Variants in SEC63 observed in about 807,000 individuals in gnomAD.
The protein encoded by SEC63 is SEC63 protein translocation regulator, also known as translocation protein SEC63 homolog.
SEC63 carries 56 observed loss-of-function variants against 116.2 expected under a neutral mutation model. The ratio of observed to expected loss-of-function variants is 0.48; its 90% CI spans 0.39 to 0.60. SEC63 has a LOEUF of 0.60. Ranked by LOEUF, SEC63 falls within the 20% of genes least tolerant of loss-of-function variation. The pLI is 0.00. For missense variants in SEC63, 668 were observed against 900.0 expected, an observed-to-expected ratio of 0.74 and a Z score of 3.30; for synonymous variants, 273 against 294.6, an observed-to-expected ratio of 0.93 and a Z score of 0.75.
intron 17 of SEC63, 62 bp from the exon 18 acceptor site, chr6:107,881,312 T>A (rs1277684500): frequency 8.6e-7 from 1 of 1,160,630 alleles, no homozygotes; most frequent in African/African-American, 1.5e-5. Context: ...TTTAAGGATT[T>A]CCAGGTATTA....
rs771196902 is a variant in SEC63, at chr6:107,902,862, C to T, written c.1191G>A (p.Arg397=). Residue 397 remains arginine (R), a synonymous_variant, in exon 12 of 21, where the codon CGG becomes CGA. Coordinates refer to ENST00000369002, the MANE Select transcript of SEC63 (RefSeq NM_007214.5). ...LPHIEEDNLR[R]VSNHKKYKIK... is the part of the protein sequence containing the mutation. ...GAATTACCTTCTTATGATTAGAAAC[C>T]CGTCTAAGATTGTCCTCTTCAATAT... is the stretch of plus-strand genomic sequence containing the variant. The T allele has an allele frequency of 9.9e-6, 16 of 1,613,724 alleles. No homozygotes were observed. Among genetic ancestry groups the T allele is most frequent in the Admixed American group, 1.7e-5 (1 of 59,976 alleles).
intron 17 of SEC63, among the ~76,000 whole-genome samples, chr6:107,881,755 T>C (rs1187969875): frequency 6.6e-6 from 1 of 152,210 alleles, no homozygotes. Context: ...ATGTGTGTAA[T>C]TTCATATGTA....
intron 13 of SEC63, among the ~76,000 whole-genome samples, chr6:107,900,517 G>A (rs1389612401): frequency 5.9e-5 from 9 of 152,066 alleles, no homozygotes; most frequent in African/African-American, 1.7e-4. Flanking sequence ...GTATGGTAGT[G>A]TGCACCTGTA....
chr6:107,904,687 T>C lies in SEC63; in HGVS notation c.996A>G (p.Leu332=). The C allele has an allele frequency of 6.2e-7, 1 of 1,613,926 alleles. No homozygotes were observed. The highest frequency in any genetic ancestry group is 1.3e-5 in the African/African-American group (1 of 75,048). The change falls in exon 11 of 21, where the codon CTA becomes CTG. Residue 332 remains leucine, a synonymous_variant. Coordinates refer to ENST00000369002, the MANE Select transcript of SEC63 (RefSeq NM_007214.5). Reference sequence around the variant, plus strand: ...AGATTACATTAACCATTTCTTGAAGTAGGGCAGGACACTTTTTTAGCATGA... The same window carrying C: ...AGATTACATTAACCATTTCTTGAAGCAGGGCAGGACACTTTTTTAGCATGA... ...QQFMLKKCPA[L]LQEMVNVICQ...
chr6:107,888,205 C>T (rs1786583014), intron 16 of SEC63, among the ~76,000 whole-genome samples: 1 of 152,122 alleles, frequency 6.6e-6, no homozygotes, highest in African/African-American at 2.4e-5. Context: ...TTTGACAATA[C>T]TGATTCTTCC....
chr6:107,927,409 T>C (rs571078250), intron 2 of SEC63, among the ~76,000 whole-genome samples: 35 of 152,170 alleles, frequency 2.3e-4, no homozygotes, highest in Admixed American at 5.9e-4. Flanking sequence ...TTACATGCCT[T>C]AGTTTCGCAC....
intron 18 of SEC63, among the ~76,000 whole-genome samples, chr6:107,880,520 C>A (rs1434586882): frequency 2.0e-5 from 3 of 152,174 alleles, no homozygotes; most frequent in Admixed American, 1.3e-4. Context: ...GAGCAGGCTG[C>A]AATTACAAAG....
chr6:107,953,432 CG>C (rs1770620824), intron 1 of SEC63, among the ~76,000 whole-genome samples: 1 of 146,694 alleles, frequency 6.8e-6, no homozygotes, highest in Non-Finnish European at 1.5e-5. Context: ...CCGCCCCGTC[CG>C]GGAGGTGAGG....
chr6:107,893,141 CACACACACACACACAG>C (rs1374127017), intron 16 of SEC63, among the ~76,000 whole-genome samples: 1 of 140,100 alleles, frequency 7.1e-6, no homozygotes, highest in Non-Finnish European at 1.5e-5. Context: ...CACACACACA[CACACACACACACACAG>C]AATGAACTAC....
chr6:107,924,776 G>A, intron 3 of SEC63, 42 bp downstream of exon 3: 1 of 912,604 alleles, frequency 1.1e-6, no homozygotes, highest in Non-Finnish European at 1.8e-6. Context: ...CATTTTCATG[G>A]GACCATTAAA....
intron 2 of SEC63, among the ~76,000 whole-genome samples, chr6:107,925,947 A>G (rs1787665001): frequency 6.6e-6 from 1 of 152,128 alleles, no homozygotes; most frequent in African/African-American, 2.4e-5. Flanking sequence ...CCTCCTGAGT[A>G]GCTGAAACTA....
chr6:107,904,754 T>A lies in SEC63; in HGVS notation c.962-33A>T. The A allele has an allele frequency of 2.0e-6, 3 of 1,486,622 alleles. 1 individual carries two copies. The highest frequency in any genetic ancestry group is 3.5e-4 in the Middle Eastern group (2 of 5,776). The allele number at this position is 1,486,622 out of a possible 1,614,324, so 92.1% of individuals were successfully genotyped here. A position where few individuals can be genotyped will look rare whatever the true frequency, so the allele number is the denominator to read the frequency against. On this transcript the variant is annotated intron_variant, in intron 10 of 20. Transcript: ENST00000369002. ...ACAATAAAAAACCTGAAACAGATCATTTTAATTTTACAGTTAAAGCATCTT... is the reference window on the plus strand; with the variant it reads ...ACAATAAAAAACCTGAAACAGATCAATTTAATTTTACAGTTAAAGCATCTT...
At chr6:107,910,403 G>A (rs1787249016) in intron 7 of SEC63, among the ~76,000 whole-genome samples, 1 of 152,100 alleles carries the variant, frequency 6.6e-6, no homozygotes, top group Non-Finnish European at 1.5e-5. Flanking sequence ...AGGAGGTAGA[G>A]GCTGCAGAGA....
Position 107,950,369 on chromosome 6 carries a change from GAAC to G in SEC63, c.124+7514_124+7516del, listed in dbSNP as rs374019352. The stretch of plus-strand genomic sequence containing the variant: ...CACCCTCCATCCCCAAAAATGGATA[GAAC>G]AACCAAAAAGAAGATAAGGAAATAG... On this transcript the variant is annotated intron_variant, in intron 1 of 20. Coordinates refer to ENST00000369002, the MANE Select transcript of SEC63 (RefSeq NM_007214.5). 2.3e-3 allele frequency among the ~76,000 whole-genome samples: 351 copies of G among 152,182 alleles called. 3 individuals carry two copies. The highest frequency in any genetic ancestry group is 9.9e-3 in the Admixed American group (152 of 15,290).
At chr6:107,943,178 C>A (rs1289950796) in intron 1 of SEC63, among the ~76,000 whole-genome samples, 2 of 152,216 alleles carry the variant, frequency 1.3e-5, no homozygotes, top group East Asian at 1.9e-4. Flanking sequence ...GAGCTCACTG[C>A]AATAGCAAAG....
intron 16 of SEC63, among the ~76,000 whole-genome samples, chr6:107,884,857 G>C (rs1786492240): frequency 6.6e-6 from 1 of 151,668 alleles, no homozygotes; most frequent in African/African-American, 2.4e-5. Flanking sequence ...AATGATATTT[G>C]TTCCAGGAAT....
chr6:107,899,066 G>A (rs1363290122), intron 13 of SEC63, among the ~76,000 whole-genome samples: 1 of 152,178 alleles, frequency 6.6e-6, no homozygotes, highest in South Asian at 2.1e-4. Flanking sequence ...ATGTGCACAA[G>A]CAGGTCATGT....
chr6:107,955,313 C>T (rs979418438), intron 1 of SEC63, among the ~76,000 whole-genome samples: 1 of 152,132 alleles, frequency 6.6e-6, no homozygotes, highest in African/African-American at 2.4e-5. Flanking sequence ...CAGGCGTCCG[C>T]CACCACTCCC....
At chr6:107,912,664 A>G in intron 6 of SEC63, 52 bp downstream of exon 6, 1 of 1,105,734 alleles carries the variant, frequency 9.0e-7, no homozygotes, top group Admixed American at 1.7e-5. Flanking sequence ...GATTGTACAT[A>G]ACAAAAATTT....
Sources: gnomAD v4.1 joint callset for allele counts (sites outside exome capture counted in the v4.1 genomes callset) on GRCh38, gnomAD v4.1.1 for gene constraint, MANE v1.5 for transcripts, NCBI Gene and HGNC (gene_info 2026-07-23, HGNC 2026-07-21) for gene names.